Variants in NPR3 observed in about 807,000 individuals in gnomAD.
The protein encoded by NPR3 is atrial natriuretic peptide receptor 3.
NPR3 carries 34 observed loss-of-function variants against 54.5 expected under a neutral mutation model. The ratio of observed to expected loss-of-function variants is 0.62; its 90% CI spans 0.47 to 0.83. NPR3 has a LOEUF of 0.83. Among genes scored for constraint, NPR3 ranks in the 40% least tolerant of loss-of-function variants. The pLI, the probability that NPR3 is intolerant of heterozygous loss-of-function variation, is 0.00. For synonymous variants in NPR3, 289 were observed against 297.1 expected (o/e 0.97, Z 0.28); for missense variants, 674 against 720.8 (o/e 0.94, Z 0.74).
intron 4 of NPR3, among the ~76,000 whole-genome samples, chr5:32,779,754 A>G (rs1016508521): frequency 6.6e-6 from 1 of 152,196 alleles, no homozygotes; most frequent in Non-Finnish European, 1.5e-5. Flanking sequence ...ATGTGGGTAC[A>G]GTTGGGTCTT....
At chr5:32,699,205 T>C (rs1441165599) in intron 1 of NPR3, among the ~76,000 whole-genome samples, 1 of 152,216 alleles carries the variant, frequency 6.6e-6, no homozygotes, top group African/African-American at 2.4e-5. Context: ...TTTAGACTGA[T>C]GGCAACTTAA....
At chr5:32,767,883 G>A (rs1038069013) in intron 3 of NPR3, among the ~76,000 whole-genome samples, 8 of 152,210 alleles carry the variant, frequency 5.3e-5, no homozygotes, top group Non-Finnish European at 8.8e-5. Flanking sequence ...GTATCATGAA[G>A]TCAGAGAAAT....
At chr5:32,756,181 T>G (rs1740829052) in intron 3 of NPR3, among the ~76,000 whole-genome samples, 1 of 152,244 alleles carries the variant, frequency 6.6e-6, no homozygotes, top group Admixed American at 6.5e-5. Context: ...CACTAAACTG[T>G]CTTCCACGAA....
chr5:32,738,759 TG>T, intron 2 of NPR3, 104 bp from the exon 3 acceptor site: 1 of 930,248 alleles, frequency 1.1e-6, no homozygotes, highest in Non-Finnish European at 1.6e-6. Flanking sequence ...CTTCTCTTCC[TG>T]GTTGCCAAAA....
At chr5:32,745,298 A>T (rs1481653363) in intron 3 of NPR3, among the ~76,000 whole-genome samples, 2 of 152,208 alleles carry the variant, frequency 1.3e-5, no homozygotes, top group South Asian at 4.1e-4. Flanking sequence ...GAGGCTCTCA[A>T]CTGTCAGTGG....
intron 1 of NPR3, among the ~76,000 whole-genome samples, chr5:32,723,798 G>A (rs2111888680): frequency 6.6e-6 from 1 of 152,100 alleles, no homozygotes; most frequent in Middle Eastern, 3.4e-3. Context: ...TTAATATTTT[G>A]CCACATTTGA....
At chr5:32,760,722 G>T (rs1453263367) in intron 3 of NPR3, among the ~76,000 whole-genome samples, 3 of 145,864 alleles carry the variant, frequency 2.1e-5, no homozygotes, top group African/African-American at 2.5e-5. Context: ...CTGCTTTTTT[G>T]GTATCATCTT....
chr5:32,698,060 C>A (rs972143918), intron 1 of NPR3, among the ~76,000 whole-genome samples: 2 of 151,786 alleles, frequency 1.3e-5, no homozygotes, highest in South Asian at 4.1e-4. Context: ...TTTTCTAGTT[C>A]TTTAAGATAC....
chr5:32,700,909 C>G (rs569506778), intron 1 of NPR3, among the ~76,000 whole-genome samples: 1 of 152,248 alleles, frequency 6.6e-6, no homozygotes, highest in East Asian at 1.9e-4. Context: ...TGGGTATATA[C>G]CCAGTAATGG....
At chr5:32,708,544 T>A (rs1284381886), upstream of NPR3, among the ~76,000 whole-genome samples, 1 of 152,212 alleles carries the variant, frequency 6.6e-6, no homozygotes, top group Non-Finnish European at 1.5e-5. Flanking sequence ...GGTCCTTGGT[T>A]TACTTTGAAT....
chr5:32,737,700 G>A (rs967715002), intron 2 of NPR3, among the ~76,000 whole-genome samples: 2 of 152,042 alleles, frequency 1.3e-5, no homozygotes, highest in African/African-American at 2.4e-5. Context: ...TGTAAGCCAC[G>A]TTTTCTTGAA....
chr5:32,713,539 T>C (rs963964653), intron 1 of NPR3: 2 of 892,706 alleles, frequency 2.2e-6, no homozygotes, highest in Admixed American at 1.2e-4. Context: ...GAATCCCGTC[T>C]CTGCTCCCCC....
At chr5:32,764,509 C>T (rs572547356) in intron 3 of NPR3, among the ~76,000 whole-genome samples, 19 of 152,044 alleles carry the variant, frequency 1.2e-4, no homozygotes, top group Admixed American at 7.2e-4. Context: ...AGAATTTGGC[C>T]GGGCACGGTG....
intron 1 of NPR3, 129 bp downstream of exon 1, chr5:32,712,674 C>A: frequency 1.2e-6 from 1 of 854,982 alleles, no homozygotes; most frequent in East Asian, 2.5e-5. Context: ...CGCGGGCACT[C>A]GTTCAGGTAT....
At chr5:32,743,392 A>G (rs191914375) in intron 3 of NPR3, among the ~76,000 whole-genome samples, 2 of 151,198 alleles carry the variant, frequency 1.3e-5, no homozygotes, top group Non-Finnish European at 3.0e-5. Flanking sequence ...TACTCTTTGT[A>G]TGTGTGTGTG....
At chr5:32,764,788 CAAAAAAAA>C (rs568944478) in intron 3 of NPR3, among the ~76,000 whole-genome samples, 19 of 36,498 alleles carry the variant, frequency 5.2e-4, no homozygotes, top group African/African-American at 1.7e-3. Context: ...GGGTCCATCT[CAAAAAAAA>C]AAAAAAAAAA....
intron 2 of NPR3, among the ~76,000 whole-genome samples, chr5:32,736,895 C>T (rs73758307): frequency 0.054 from 8,162 of 152,250 alleles, 329 homozygotes; most frequent in African/African-American, 0.12. Context: ...TCAGCTGTGT[C>T]TTATTTGTCT....
rs1485035658 is a variant in NPR3, at chr5:32,786,369, T to C, written c.*24T>C. 4.1e-6 allele frequency: 4 copies of C among 971,042 alleles called. No individual in the cohort carries two copies. Among genetic ancestry groups the C allele is most frequent in the East Asian group, 5.0e-5 (2 of 39,776 alleles). The allele number at this position is 971,042 out of a possible 1,614,324, so 60.2% of individuals were successfully genotyped here. ...AAAGGAAGCCCCCCACTTTTTTTTTTTCTGCCTGAGATTCTTTAAGGAGAT... is the reference window on the plus strand; with the variant it reads ...AAAGGAAGCCCCCCACTTTTTTTTTCTCTGCCTGAGATTCTTTAAGGAGAT... On this transcript the variant is annotated 3_prime_UTR_variant, in exon 8 of 8. Coordinates refer to ENST00000265074, the MANE Select transcript of NPR3 (RefSeq NM_001204375.2).
At chr5:32,739,152 T>G in intron 3 of NPR3, 122 bp downstream of exon 3, 1 of 932,498 alleles carries the variant, frequency 1.1e-6, no homozygotes, top group Non-Finnish European at 1.6e-6. Flanking sequence ...GGTCTGAATG[T>G]CACTGTTGCC....
Sources: gnomAD v4.1 joint callset for allele counts (sites outside exome capture counted in the v4.1 genomes callset) on GRCh38, gnomAD v4.1.1 for gene constraint, MANE v1.5 for transcripts, NCBI Gene and HGNC (gene_info 2026-07-23, HGNC 2026-07-21) for gene names.